Variants in USP30 observed in about 807,000 individuals in gnomAD.
The protein encoded by USP30 is ubiquitin carboxyl-terminal hydrolase 30.
A neutral mutation model predicts 68.2 loss-of-function variants in USP30; 41 were observed. The ratio of observed to expected loss-of-function variants is 0.60; its 90% CI spans 0.47 to 0.78. The LOEUF (loss-of-function observed/expected upper bound fraction) is 0.78. Among genes scored for constraint, USP30 ranks in the 30% least tolerant of loss-of-function variants. The pLI is 0.00. For missense variants in USP30, 522 were observed against 649.4 expected (o/e 0.80, Z 2.13); for synonymous variants, 229 against 253.7 (o/e 0.90, Z 0.93).
Position 109,066,475 on chromosome 12 carries a change from G to A in USP30, c.377-1049G>A, listed in dbSNP as rs541243479. 2.0e-5 allele frequency among the ~76,000 whole-genome samples: 3 copies of A among 152,220 alleles called. No homozygotes were observed. In the South Asian group the frequency reaches 6.2e-4, roughly 32 times the overall value. On this transcript the variant is annotated intron_variant, in intron 3 of 12. Transcript: ENST00000257548. ...TTGAGGTGGGCGATCATGAGGTTAG[G>A]AGTTCGAGACCAGCGTGGCCAACAT...
chr12:109,024,624 A>C (rs748484336), intron 1 of USP30, among the ~76,000 whole-genome samples: 4 of 144,406 alleles, frequency 2.8e-5, no homozygotes, highest in Non-Finnish European at 6.1e-5. Context: ...GTAAAGCAGC[A>C]TTTTTTTTTT....
chr12:109,056,591 T>A (rs1174049444), intron 1 of USP30, 91 bp from the exon 2 acceptor site: 9 of 837,608 alleles, frequency 1.1e-5, no homozygotes, highest in African/African-American at 3.5e-5. Context: ...ATTTGGTGGG[T>A]TATTTTGACA....
intron 7 of USP30, among the ~76,000 whole-genome samples, chr12:109,079,920 A>T (rs2041745016): frequency 6.6e-6 from 1 of 152,158 alleles, no homozygotes; most frequent in Non-Finnish European, 1.5e-5. Context: ...TTGTATGCTT[A>T]ACATCATAAT....
chr12:109,036,236 A>G (rs775212404), intron 3 of USP30, among the ~76,000 whole-genome samples: 3 of 151,460 alleles, frequency 2.0e-5, no homozygotes, highest in African/African-American at 2.4e-5. Flanking sequence ...TTATTTCCCC[A>G]TGTGGGTTTG....
intron 3 of USP30, among the ~76,000 whole-genome samples, chr12:109,034,423 T>C (rs1016189435): frequency 2.7e-4 from 41 of 152,308 alleles, no homozygotes; most frequent in Admixed American, 1.5e-3. Flanking sequence ...ATAAGCCACT[T>C]GAGAAGAAAG....
Position 109,045,581 on chromosome 12 carries a change from A to G in USP30, c.-135-2009A>G, listed in dbSNP as rs58730775. 3.4e-3 allele frequency among the ~76,000 whole-genome samples: 522 copies of G among 152,314 alleles called. 3 individuals carry two copies. The highest frequency in any genetic ancestry group is 0.012 in the African/African-American group (492 of 41,564). On this transcript the variant is annotated intron_variant, in intron 3 of 15. Transcript: ENST00000392784. ...CAAACCCACAGTATGACCTTGGCCA[A>G]GTCAATTCACTTCTCCGGGCTTTAG...
At chr12:109,028,440 G>A (rs1438528865) in intron 3 of USP30, among the ~76,000 whole-genome samples, 1 of 150,646 alleles carries the variant, frequency 6.6e-6, no homozygotes, top group Non-Finnish European at 1.5e-5. Context: ...AGAGAGGGGA[G>A]GTGCCACACC....
chr12:109,048,172 A>C (rs1245600917), upstream of USP30, among the ~76,000 whole-genome samples: 1 of 149,712 alleles, frequency 6.7e-6, no homozygotes, highest in Non-Finnish European at 1.5e-5. Context: ...TGCAACCTCT[A>C]ACTCCTGGGC....
chr12:109,025,029 A>C (rs1185427522), exon 2 of USP30: 1 of 152,298 alleles, frequency 6.6e-6, no homozygotes, highest in African/African-American at 2.4e-5. Context: ...AATGAGCACC[A>C]TCAAATCAGC....
In USP30 at chr12:109,025,990, C is replaced by A. The variant is rs529188322; in HGVS notation, c.-228+918C>A. On this transcript the variant is annotated intron_variant, in intron 2 of 15. Coordinates refer to the USP30 transcript ENST00000392784. Reference sequence around the variant, plus strand: ...GTGAGCCACTGACCCTGGCATGAAGCGTTTTTTAAGTTGTAAATTTTTGGT... The same window carrying A: ...GTGAGCCACTGACCCTGGCATGAAGAGTTTTTTAAGTTGTAAATTTTTGGT... Among the ~76,000 whole-genome samples the A allele has an allele frequency of 5.9e-5, 9 of 151,906 alleles. No individual in the cohort carries two copies. In the South Asian group the frequency reaches 1.2e-3, roughly 21 times the overall value.
At position 109,082,841 on chromosome 12, in the gene USP30, A is replaced by G. The variant is rs1268651469; in HGVS notation, c.949-2A>G. On this transcript the variant is annotated splice_acceptor_variant, in intron 10 of 12. Transcript: ENST00000257548. LOFTEE classifies it high-confidence loss of function. ...TTCTCCCGATTTCTCTTCCACCCGCAGCTCCCTCAGTGTCTCTGCATCCAC... is the reference window on the plus strand; with the variant it reads ...TTCTCCCGATTTCTCTTCCACCCGCGGCTCCCTCAGTGTCTCTGCATCCAC... 1.2e-6 allele frequency: 2 copies of G among 1,612,704 alleles called. No individual in the cohort carries two copies. The highest frequency in any genetic ancestry group is 1.7e-5 in the Admixed American group (1 of 59,914).
intron 11 of USP30, 46 bp downstream of exon 11, chr12:109,083,108 AG>A (rs1566107455): frequency 6.5e-7 from 1 of 1,542,594 alleles, no homozygotes; most frequent in South Asian, 1.3e-5. Flanking sequence ...TTCAGCACAG[AG>A]AAAAGCAGTT....
At position 109,082,915 on chromosome 12, in the gene USP30, G is replaced by A; in HGVS notation, c.1021G>A (p.Glu341Lys). The part of the protein sequence containing the change: ...SSHGTPLKRH[E>K]HVQFNEFLMM... ...CCACGGCACGCCTCTGAAGCGGCAT[G>A]AGCACGTGCAGTTCAATGAGTTCCT... is the stretch of plus-strand genomic sequence containing the variant. Residue 341 changes from glutamate (E) to lysine (K), a missense_variant, in exon 11 of 13, where the codon GAG (glutamate) becomes AAG (lysine). Physicochemically the swap from Glu to Lys is moderately conservative, Grantham distance 56. Coordinates refer to ENST00000257548, the MANE Select transcript of USP30 (RefSeq NM_032663.5). 1 of 1,614,226 alleles carries A rather than the reference G, an allele frequency of 6.2e-7. No homozygotes were observed. The highest frequency in any genetic ancestry group is 8.5e-7 in the Non-Finnish European group (1 of 1,180,052).
intron 8 of USP30, 89 bp from the exon 9 acceptor site, chr12:109,081,844 A>G (rs1300090048): frequency 3.0e-5 from 39 of 1,305,102 alleles, no homozygotes; most frequent in Non-Finnish European, 4.2e-5. Flanking sequence ...ACATCAAAAT[A>G]AAGCTCTGGT....
At position 109,058,009 on chromosome 12, in the gene USP30, A is replaced by G. The variant is rs1385949689; in HGVS notation, c.277A>G (p.Ile93Val). ...AGGCCTGTCTGCCTGTCCTGCTTTC[A>G]TCAGGTGGCTGGAAGAGTTCACCTC... is the stretch of plus-strand genomic sequence containing the variant. ...LQGLSACPAFIRWLEEFTSQY... is the reference protein window; with the variant it reads ...LQGLSACPAFVRWLEEFTSQY... Residue 93 changes from isoleucine (I) to valine (V), a missense_variant, in exon 3 of 13, where the codon ATC becomes GTC. Coordinates refer to ENST00000257548, the MANE Select transcript of USP30 (RefSeq NM_032663.5). 4.3e-6 allele frequency: 7 copies of G among 1,614,130 alleles called. No homozygotes were observed. Among genetic ancestry groups the G allele is most frequent in the Non-Finnish European group, 4.2e-6 (5 of 1,180,034 alleles).
In USP30 at chr12:109,081,623, G is replaced by GCGCGCACA. The variant is rs886662557; in HGVS notation, c.780+231_780+232insGCGCACAC. The GCGCGCACA allele has an allele frequency of 6.8e-4, 340 of 500,546 alleles. 1 individual carries two copies. Among genetic ancestry groups the GCGCGCACA allele is most frequent in the South Asian group, 4.2e-3 (163 of 38,652 alleles). The allele number at this position is 500,546 out of a possible 1,614,324, so 31.0% of individuals were successfully genotyped here. On this transcript the variant is annotated intron_variant, in intron 8 of 12. Coordinates refer to ENST00000257548, the MANE Select transcript of USP30 (RefSeq NM_032663.5). The stretch of plus-strand genomic sequence containing the variant: ...TTTGAATACACACGCACGCATGCGC[G>GCGCGCACA]CACACACACACACACACACACACAC...
At chr12:109,046,887 G>A (rs546818389) in intron 3 of USP30, among the ~76,000 whole-genome samples, 9 of 152,226 alleles carry the variant, frequency 5.9e-5, no homozygotes, top group Non-Finnish European at 1.2e-4. Flanking sequence ...AGTAGAGACG[G>A]GGTTTCACCA....
At chr12:109,075,594 C>T (rs1007871812) in intron 7 of USP30, among the ~76,000 whole-genome samples, 18 of 152,304 alleles carry the variant, frequency 1.2e-4, no homozygotes, top group East Asian at 7.7e-4. Flanking sequence ...TCAAGTGATC[C>T]GCCTGTCTCG....
intron 4 of USP30, among the ~76,000 whole-genome samples, chr12:109,070,000 G>T (rs1778014442): frequency 6.6e-6 from 1 of 152,110 alleles, no homozygotes; most frequent in African/African-American, 2.4e-5. Flanking sequence ...GAGGAGAGGG[G>T]CTGGCGAAGT....
Sources: gnomAD v4.1 joint callset for allele counts (sites outside exome capture counted in the v4.1 genomes callset) on GRCh38, gnomAD v4.1.1 for gene constraint, MANE v1.5 for transcripts, NCBI Gene and HGNC (gene_info 2026-07-23, HGNC 2026-07-21) for gene names.